CELF2: variants seen among roughly 807,000 people sequenced by gnomAD.
CELF2 encodes CUG triplet repeat RNA-binding protein 2.
Under a neutral mutation model 62.6 loss-of-function variants are expected in CELF2, and 8 were observed. The observed-to-expected ratio is 0.13, with a 90% confidence interval of 0.07 to 0.23. The LOEUF (loss-of-function observed/expected upper bound fraction) is 0.23, where lower values mean the gene tolerates loss of function less well. CELF2 is among the 10% of genes least tolerant of loss of function. CELF2 has a pLI of 1.00. For synonymous variants in CELF2, 258 were observed against 250.0 expected (o/e 1.03, Z -0.30); for missense variants, 333 against 671.0 (o/e 0.50, Z 5.56).
At chr10:10,830,238 G>T (rs1299406944) in intron 1 of CELF2, among the ~76,000 whole-genome samples, 5 of 142,320 alleles carry the variant, frequency 3.5e-5, no homozygotes, top group African/African-American at 1.1e-4. Flanking sequence ...TTTCCAAACG[G>T]CAATACAAAC....
At chr10:10,933,493 T>A (rs1309855819) in intron 2 of CELF2, among the ~76,000 whole-genome samples, 1 of 152,138 alleles carries the variant, frequency 6.6e-6, no homozygotes, top group Non-Finnish European at 1.5e-5. Flanking sequence ...TATAATTTTA[T>A]ATTATTATAA....
chr10:10,745,118 A>AC, the CELF2 span, among the ~76,000 whole-genome samples: 2,704 of 82,406 alleles, frequency 0.033, 37 homozygotes, highest in Non-Finnish European at 0.048. Context: ...CCACGTAAAA[A>AC]AAAAAAAAAC....
At chr10:11,185,324 G>A (rs758130653) in intron 2 of CELF2, among the ~76,000 whole-genome samples, 5 of 152,024 alleles carry the variant, frequency 3.3e-5, no homozygotes, top group South Asian at 4.2e-4. Context: ...ACAGGTGCAC[G>A]TCACCACACC....
chr10:11,196,973 GAA>G lies in CELF2; in HGVS notation c.272-20450_272-20449del, dbSNP rs1226047820. Among the ~76,000 whole-genome samples the G allele has an allele frequency of 8.9e-4, 76 of 85,698 alleles. 1 individual carries two copies. The highest frequency in any genetic ancestry group is 3.2e-3 in the African/African-American group (72 of 22,400). 56.2% of individuals were successfully genotyped at this position (85,698 alleles called of 152,430 possible). On this transcript the variant is annotated intron_variant, in intron 2 of 12. Coordinates refer to ENST00000633077, the MANE Select transcript of CELF2 (RefSeq NM_001326342.2). ...GACTCTGTCTCAAAAGAAAAAGAAA[GAA>G]AGAGAGAAAGAAAGAAAGGAAGGAA...
intron 1 of CELF2, among the ~76,000 whole-genome samples, chr10:11,023,579 T>C (rs1272596789): frequency 6.6e-6 from 1 of 152,222 alleles, no homozygotes; most frequent in African/African-American, 2.4e-5. Flanking sequence ...TGGGAATGTA[T>C]TTTTCATTTA....
the CELF2 span, among the ~76,000 whole-genome samples, chr10:10,678,506 A>G: frequency 6.6e-6 from 1 of 152,160 alleles, no homozygotes; most frequent in East Asian, 1.9e-4. Flanking sequence ...TTACATAAAC[A>G]TGGTTGACCA....
At chr10:10,614,071 A>G in the CELF2 span, among the ~76,000 whole-genome samples, 1 of 152,266 alleles carries the variant, frequency 6.6e-6, no homozygotes, top group East Asian at 1.9e-4. Context: ...CTCCCCAGCT[A>G]GTGGAGAATT....
the CELF2 span, among the ~76,000 whole-genome samples, chr10:10,634,683 A>ATT: frequency 1.3e-5 from 2 of 149,946 alleles, no homozygotes; most frequent in East Asian, 3.9e-4. Flanking sequence ...TTTTTTTTAA[A>ATT]TGGAGTCTCA....
chr10:11,033,088 G>A (rs541962315), intron 1 of CELF2, among the ~76,000 whole-genome samples: 27 of 152,278 alleles, frequency 1.8e-4, no homozygotes, highest in Admixed American at 1.5e-3. Flanking sequence ...CATTGTTTGT[G>A]TAAATGATTG....
intron 3 of CELF2, among the ~76,000 whole-genome samples, chr10:11,225,935 G>GA (rs958409601): frequency 1.3e-5 from 2 of 152,326 alleles, no homozygotes; most frequent in Admixed American, 1.3e-4. Flanking sequence ...AAGTGCCAGA[G>GA]ATTAAATTAA....
chr10:11,042,748 A>G (rs1039483563), intron 1 of CELF2, among the ~76,000 whole-genome samples: 1 of 151,984 alleles, frequency 6.6e-6, no homozygotes, highest in Non-Finnish European at 1.5e-5. Flanking sequence ...TGTTAACTGG[A>G]TTTGCCTGTT....
At chr10:11,185,807 A>C (rs1362340361) in intron 2 of CELF2, among the ~76,000 whole-genome samples, 1 of 152,200 alleles carries the variant, frequency 6.6e-6, no homozygotes, top group Non-Finnish European at 1.5e-5. Context: ...TAGTTTGTTT[A>C]TAACTTCTTT....
At chr10:10,550,428 T>C in the CELF2 span, among the ~76,000 whole-genome samples, 80 of 152,280 alleles carry the variant, frequency 5.3e-4, no homozygotes, top group African/African-American at 1.8e-3. Flanking sequence ...CACTGTCTAG[T>C]GTGCATAGAA....
chr10:11,128,337 T>A (rs1021040610), intron 1 of CELF2, among the ~76,000 whole-genome samples: 70 of 152,256 alleles, frequency 4.6e-4, no homozygotes, highest in African/African-American at 1.5e-3. Flanking sequence ...TTTGTTCTTC[T>A]GGCTTAGGAT....
chr10:11,165,038 G>T lies in CELF2; in HGVS notation c.75-448G>T, dbSNP rs527456353. On this transcript the variant is annotated intron_variant, in intron 1 of 12. Transcript: ENST00000633077. This position sits in a 1 kb window ranked among gnomAD's most constrained non-coding sequence, Gnocchi z 7.4. Reference sequence around the variant, plus strand: ...CTTCCAAAAACCTCCCAAAAAGGGCGGTGGGGCGGGGGGCGGGGCAGGGAG... The same window carrying T: ...CTTCCAAAAACCTCCCAAAAAGGGCTGTGGGGCGGGGGGCGGGGCAGGGAG... 7 of 577,588 alleles carry T rather than the reference G, an allele frequency of 1.2e-5. No homozygotes were observed. The African/African-American group carries it at 1.5e-4, about 12-fold the overall frequency. The allele number at this position is 577,588 out of a possible 1,614,324, so 35.8% of individuals were successfully genotyped here. A position where few individuals can be genotyped will look rare whatever the true frequency, so the allele number is the denominator to read the frequency against.
chr10:10,512,547 G>T, the CELF2 span, among the ~76,000 whole-genome samples: 11 of 151,762 alleles, frequency 7.2e-5, no homozygotes, highest in African/African-American at 2.2e-4. Context: ...AGCCTCCTGA[G>T]ATTACAGGCA....
the CELF2 span, among the ~76,000 whole-genome samples, chr10:10,570,031 G>A: frequency 1.3e-5 from 2 of 152,160 alleles, 1 homozygote; most frequent in South Asian, 4.1e-4. Context: ...AACCTCTCTA[G>A]ATAACAGGAA....
At chr10:10,690,544 G>A in the CELF2 span, among the ~76,000 whole-genome samples, 17 of 152,174 alleles carry the variant, frequency 1.1e-4, no homozygotes, top group African/African-American at 4.1e-4. Flanking sequence ...CACAATGGTT[G>A]ACAACAGTGC....
chr10:10,659,721 C>T, the CELF2 span, among the ~76,000 whole-genome samples: 1 of 152,178 alleles, frequency 6.6e-6, no homozygotes, highest in Non-Finnish European at 1.5e-5. Flanking sequence ...CTATTTAGTG[C>T]CTTCGGTTCC....
Sources: gnomAD v4.1 joint callset for allele counts (sites outside exome capture counted in the v4.1 genomes callset) on GRCh38, gnomAD v4.1.1 for gene constraint, Gnocchi (gnomAD v3.1) non-coding constraint, MANE v1.5 for transcripts, NCBI Gene and HGNC (gene_info 2026-07-23, HGNC 2026-07-21) for gene names.